The following PDE1C variants were observed in gnomAD, a reference collection of about 807,000 sequenced individuals.
The protein encoded by PDE1C is phosphodiesterase 1C.
In PDE1C, 62 loss-of-function variants were observed where a neutral mutation model predicts 93.1. That is an observed-to-expected ratio of 0.67 (90% CI 0.54 to 0.82). PDE1C has a LOEUF of 0.82. Among genes scored for constraint, PDE1C ranks in the 40% least tolerant of loss-of-function variants. PDE1C has a pLI of 0.00. For missense variants in PDE1C, 742 were observed against 884.6 expected, an observed-to-expected ratio of 0.84 and a Z score of 2.04; for synonymous variants, 325 against 310.1, an observed-to-expected ratio of 1.05 and a Z score of -0.50.
At chr7:31,875,837 T>TATATATAA (rs1796518846) in intron 5 of PDE1C, among the ~76,000 whole-genome samples, 1 of 39,538 alleles carries the variant, frequency 2.5e-5, no homozygotes, top group African/African-American at 9.5e-5. Flanking sequence ...ATATATATAA[T>TATATATAA]GGAAAAAGTA....
intron 9 of PDE1C, among the ~76,000 whole-genome samples, chr7:31,839,435 T>C (rs776228120): frequency 9.8e-5 from 14 of 142,384 alleles, no homozygotes; most frequent in Non-Finnish European, 1.5e-5. Flanking sequence ...CACACACACA[T>C]ATATAATACA....
At chr7:32,002,663 C>T (rs1436280582) in intron 2 of PDE1C, among the ~76,000 whole-genome samples, 2 of 152,122 alleles carry the variant, frequency 1.3e-5, no homozygotes, top group East Asian at 1.9e-4. Flanking sequence ...ACACACACCA[C>T]CCCCATCCCA....
intron 2 of PDE1C, among the ~76,000 whole-genome samples, chr7:32,205,073 G>A (rs1451415466): frequency 1.3e-5 from 2 of 152,188 alleles, no homozygotes; most frequent in Admixed American, 6.5e-5. Context: ...CTTATTGAGC[G>A]CTTGTGGTAT....
rs1022347543 is a variant in PDE1C at position 32,127,446 on chromosome 7, A to G, written c.308+42339T>C. Among the ~76,000 whole-genome samples the G allele has an allele frequency of 1.1e-4, 16 of 152,244 alleles. 5 individuals are homozygous for G. The highest frequency in any genetic ancestry group is 6.5e-5 in the Admixed American group (1 of 15,272). ...TTTACTATAATAGGAACTCCTGAAG[A>G]AAAGACAGAACCAATGAAACAAGAG... On this transcript the variant is annotated intron_variant, in intron 3 of 18. Coordinates refer to the PDE1C transcript ENST00000396193.
chr7:32,273,489 T>C (rs893106638), intron 1 of PDE1C, among the ~76,000 whole-genome samples: 2 of 152,192 alleles, frequency 1.3e-5, no homozygotes, highest in Non-Finnish European at 2.9e-5. Context: ...ACAGTAGACA[T>C]AGGGTTATCA....
Position 32,420,570 on chromosome 7 carries a change from G to T in PDE1C, c.310+7252C>A, listed in dbSNP as rs927109035. ...CTCCATCTCAAAAAAAAAAGGGGGGGTGGTAATAATAGTGCTTGTCTTAGC... is the reference window on the plus strand; with the variant it reads ...CTCCATCTCAAAAAAAAAAGGGGGGTTGGTAATAATAGTGCTTGTCTTAGC... On this transcript the variant is annotated intron_variant, in intron 1 of 1. Coordinates refer to the PDE1C transcript ENST00000672256. 2.7e-5 allele frequency among the ~76,000 whole-genome samples: 4 copies of T among 150,438 alleles called. No individual in the cohort carries two copies. In the East Asian group the frequency reaches 7.9e-4, roughly 30 times the overall value.
intron 15 of PDE1C, among the ~76,000 whole-genome samples, chr7:31,810,497 G>C (rs1787414646): frequency 6.6e-6 from 1 of 152,100 alleles, no homozygotes; most frequent in African/African-American, 2.4e-5. Flanking sequence ...ATTGAAAGTA[G>C]ACAACTTCAT....
intron 2 of PDE1C, among the ~76,000 whole-genome samples, chr7:32,016,293 T>C (rs1177454377): frequency 1.3e-5 from 2 of 152,166 alleles, no homozygotes; most frequent in Admixed American, 6.5e-5. Flanking sequence ...ATTCAAAGGC[T>C]CACCCTTGAA....
chr7:31,972,372 C>T (rs1811079776), intron 2 of PDE1C, among the ~76,000 whole-genome samples: 1 of 152,196 alleles, frequency 6.6e-6, no homozygotes, highest in African/African-American at 2.4e-5. Context: ...TACAGTCCCA[C>T]TTTCTCTCTG....
At chr7:32,093,508 T>C (rs1416086956) in intron 3 of PDE1C, among the ~76,000 whole-genome samples, 2 of 152,224 alleles carry the variant, frequency 1.3e-5, no homozygotes, top group Non-Finnish European at 1.5e-5. Context: ...ATGAATTCAG[T>C]GGCTTGGGAT....
rs5883350 is a variant in PDE1C, at chr7:32,406,531, C to CA, written c.310+21290dup. On this transcript the variant is annotated intron_variant, in intron 1 of 1. Transcript: ENST00000672256. ...TTTACACCAAAACACCTCCATAATG[C>CA]AAAAAAAAAAAAAAAAAATTGGAAT... is the stretch of plus-strand genomic sequence containing the variant. Among the ~76,000 whole-genome samples, 880 of 133,238 alleles carry CA rather than the reference C, an allele frequency of 6.6e-3. 9 individuals are homozygous for CA. The highest frequency in any genetic ancestry group is 0.022 in the African/African-American group (771 of 35,838). The allele number at this position is 133,238 out of a possible 152,430, so 87.4% of individuals were successfully genotyped here.
the PDE1C span, among the ~76,000 whole-genome samples, chr7:31,619,417 A>G: frequency 1.3e-5 from 2 of 152,182 alleles, no homozygotes. Flanking sequence ...TTAGTTTTCT[A>G]TGTAACATGT....
intron 1 of PDE1C, among the ~76,000 whole-genome samples, chr7:32,267,572 T>A (rs62457474): frequency 0.014 from 1,695 of 117,148 alleles, 41 homozygotes; most frequent in African/African-American, 0.044. Context: ...TCTCTCTCTC[T>A]CACACACACA....
chr7:32,145,441 A>G (rs1404096973), intron 3 of PDE1C, among the ~76,000 whole-genome samples: 1 of 152,152 alleles, frequency 6.6e-6, no homozygotes, highest in East Asian at 1.9e-4. Flanking sequence ...ACACTGAAAA[A>G]CAGTAAATGA....
intron 7 of PDE1C, among the ~76,000 whole-genome samples, chr7:31,858,263 T>C (rs1055684083): frequency 2.6e-5 from 4 of 152,184 alleles, no homozygotes; most frequent in Non-Finnish European, 4.4e-5. Flanking sequence ...GTGAGTCATT[T>C]TGGCCAGTGA....
At chr7:31,971,400 C>G (rs927479805) in intron 2 of PDE1C, among the ~76,000 whole-genome samples, 5 of 152,108 alleles carry the variant, frequency 3.3e-5, no homozygotes, top group African/African-American at 1.2e-4. Flanking sequence ...GCCATGTGAT[C>G]TTGAGTGAGT....
intron 11 of PDE1C, among the ~76,000 whole-genome samples, chr7:31,831,630 T>C (rs1370962377): frequency 6.6e-6 from 1 of 152,038 alleles, no homozygotes; most frequent in East Asian, 1.9e-4. Flanking sequence ...AAATAGTTGG[T>C]CTGAAAAGAA....
At chr7:32,239,786 A>G (rs1808407880) in intron 1 of PDE1C, among the ~76,000 whole-genome samples, 2 of 152,344 alleles carry the variant, frequency 1.3e-5, no homozygotes, top group South Asian at 4.1e-4. Flanking sequence ...ACCATTCACA[A>G]ACATTTAGGT....
chr7:32,017,177 A>G (rs892975393), intron 2 of PDE1C, among the ~76,000 whole-genome samples: 1 of 152,200 alleles, frequency 6.6e-6, no homozygotes, highest in Non-Finnish European at 1.5e-5. Flanking sequence ...GCAAACAATA[A>G]TTATGAGAAT....
Sources: allele counts gnomAD v4.1 joint callset (sites outside exome capture counted in the v4.1 genomes callset), GRCh38; gene constraint gnomAD v4.1.1; transcripts MANE v1.5; gene names NCBI Gene and HGNC (gene_info 2026-07-23, HGNC 2026-07-21).